Variants in ABHD17B observed in about 807,000 individuals in gnomAD.
ABHD17B encodes alpha/beta hydrolase domain-containing protein 17B.
Under a neutral mutation model 26.2 loss-of-function variants are expected in ABHD17B, and 9 were observed. The observed-to-expected ratio is 0.34, with a 90% CI of 0.21 to 0.60. The LOEUF is 0.60. ABHD17B is among the 20% of genes least tolerant of loss of function. ABHD17B has a pLI of 0.80. For synonymous variants in ABHD17B, 127 were observed against 122.3 expected (o/e 1.04, Z -0.25); for missense variants, 224 against 352.1 (o/e 0.64, Z 2.91).
intron 2 of ABHD17B, 138 bp from the exon 3 acceptor site, chr9:71,870,400 A>C: frequency 1.5e-6 from 1 of 658,122 alleles, no homozygotes; most frequent in Non-Finnish European, 2.3e-6. Flanking sequence ...CTTAGCTATT[A>C]CTGTTAGTTT....
At chr9:71,895,494 C>T (rs1038052708) in intron 1 of ABHD17B, among the ~76,000 whole-genome samples, 10 of 152,178 alleles carry the variant, frequency 6.6e-5, no homozygotes, top group Non-Finnish European at 1.3e-4. Flanking sequence ...CAAGATTCTT[C>T]TGCCTTCTGT....
intron 1 of ABHD17B, among the ~76,000 whole-genome samples, chr9:71,897,632 C>G (rs1267031563): frequency 6.6e-6 from 1 of 152,104 alleles, no homozygotes; most frequent in Admixed American, 6.5e-5. Flanking sequence ...TATATAATAC[C>G]TTTTTAGTAG....
At chr9:71,863,593 T>C (rs757397514), downstream of ABHD17B, among the ~76,000 whole-genome samples, 13 of 152,242 alleles carry the variant, frequency 8.5e-5, no homozygotes, top group Non-Finnish European at 1.5e-4. Flanking sequence ...GAATTTCTTC[T>C]GTGACACCTA....
chr9:71,881,663 G>C (rs972991735), intron 1 of ABHD17B, among the ~76,000 whole-genome samples: 2 of 152,104 alleles, frequency 1.3e-5, no homozygotes, highest in Admixed American at 6.6e-5. Context: ...CGAGGCGGAC[G>C]GATCATGAGG....
chr9:71,873,575 T>C (rs1298670929), intron 2 of ABHD17B, among the ~76,000 whole-genome samples: 2 of 152,166 alleles, frequency 1.3e-5, no homozygotes, highest in Admixed American at 1.3e-4. Context: ...TTTTCGTATT[T>C]TTAGTAGAGA....
chr9:71,877,317 T>A (rs983278578), intron 1 of ABHD17B, among the ~76,000 whole-genome samples: 1 of 152,264 alleles, frequency 6.6e-6, no homozygotes, highest in African/African-American at 2.4e-5. Flanking sequence ...TTACCTCATA[T>A]ACCATTGACT....
intron 1 of ABHD17B, among the ~76,000 whole-genome samples, chr9:71,905,519 T>C (rs1432573666): frequency 6.6e-6 from 1 of 152,200 alleles, no homozygotes; most frequent in East Asian, 1.9e-4. Context: ...AGACCCTCTC[T>C]CATGCATTAT....
At chr9:71,900,937 C>T (rs1827118861) in intron 1 of ABHD17B, among the ~76,000 whole-genome samples, 1 of 152,056 alleles carries the variant, frequency 6.6e-6, no homozygotes, top group Non-Finnish European at 1.5e-5. Flanking sequence ...ATCACAAGGT[C>T]AGGAGATTGA....
At chr9:71,895,599 G>A (rs982441029) in intron 1 of ABHD17B, among the ~76,000 whole-genome samples, 3 of 152,156 alleles carry the variant, frequency 2.0e-5, no homozygotes, top group African/African-American at 7.2e-5. Context: ...TCTGCAATTT[G>A]AAGAATGCAT....
intron 1 of ABHD17B, among the ~76,000 whole-genome samples, chr9:71,903,365 G>A (rs575098975): frequency 3.9e-5 from 6 of 152,126 alleles, no homozygotes; most frequent in Admixed American, 6.5e-5. Context: ...AACAATCTAC[G>A]TATTTTTGCT....
At chr9:71,899,657 T>G (rs1473494478) in intron 1 of ABHD17B, among the ~76,000 whole-genome samples, 5 of 152,178 alleles carry the variant, frequency 3.3e-5, no homozygotes, top group African/African-American at 1.2e-4. Flanking sequence ...TGGCTATAAT[T>G]CTATTTAAAT....
chr9:71,864,924 T>C (rs1193580792), downstream of ABHD17B, among the ~76,000 whole-genome samples: 1 of 152,130 alleles, frequency 6.6e-6, no homozygotes, highest in Non-Finnish European at 1.5e-5. Context: ...TATTTAGATT[T>C]CCCCAGGTAA....
intron 1 of ABHD17B, among the ~76,000 whole-genome samples, chr9:71,880,499 T>G (rs1826407801): frequency 6.6e-6 from 1 of 152,088 alleles, no homozygotes; most frequent in Non-Finnish European, 1.5e-5. Context: ...GTTTTCTTAA[T>G]AGATATACAG....
At chr9:71,910,598 G>A (rs915606985) in intron 1 of ABHD17B, 36 bp downstream of exon 1, 3 of 151,828 alleles carry the variant, frequency 2.0e-5, no homozygotes, top group Admixed American at 6.6e-5. Flanking sequence ...CCCCGAGCCG[G>A]GCTGCGGCGT....
Position 71,866,316 on chromosome 9 carries a change from A to C in ABHD17B, c.*471T>G. On this transcript the variant is annotated 3_prime_UTR_variant, in exon 4 of 4. Coordinates refer to ENST00000333421, the MANE Select transcript of ABHD17B (RefSeq NM_001025780.3). ...ACAGGGTTTAGGTTAATTCTAGTGA[A>C]CTTGCATGGTTTTAAATCTCTTTTA... The C allele has an allele frequency of 1.0e-6, 1 of 990,226 alleles. No individual in the cohort carries two copies. The highest frequency in any genetic ancestry group is 1.2e-6 in the Non-Finnish European group (1 of 832,032). The allele number at this position is 990,226 out of a possible 1,614,324, so 61.3% of individuals were successfully genotyped here.
intron 1 of ABHD17B, among the ~76,000 whole-genome samples, chr9:71,905,940 G>T (rs890382971): frequency 6.6e-6 from 1 of 152,052 alleles, no homozygotes; most frequent in African/African-American, 2.4e-5. Flanking sequence ...CCAGCCACTC[G>T]GGAAGCCCAG....
chr9:71,874,376 C>T (rs1247325922), intron 2 of ABHD17B, among the ~76,000 whole-genome samples: 5 of 152,176 alleles, frequency 3.3e-5, no homozygotes, highest in Non-Finnish European at 5.9e-5. Flanking sequence ...AAAAAACATA[C>T]ATATATACGT....
intron 1 of ABHD17B, among the ~76,000 whole-genome samples, chr9:71,882,844 A>AAT (rs1564066227): frequency 6.6e-6 from 1 of 151,856 alleles, no homozygotes; most frequent in Non-Finnish European, 1.5e-5. Context: ...AAATTCTGTG[A>AAT]ATATATATAT....
chr9:71,877,813 CAAAGGAGAGAAGCAG>C (rs1294196187), intron 1 of ABHD17B, among the ~76,000 whole-genome samples: 1 of 152,088 alleles, frequency 6.6e-6, no homozygotes, highest in Non-Finnish European at 1.5e-5. Context: ...GGATGAACAC[CAAAGGAGAGAAGCAG>C]AAAGGAGAAA....
Sources: gnomAD v4.1 joint callset for allele counts (sites outside exome capture counted in the v4.1 genomes callset) on GRCh38, gnomAD v4.1.1 for gene constraint, MANE v1.5 for transcripts, NCBI Gene and HGNC (gene_info 2026-07-23, HGNC 2026-07-21) for gene names.